The following GREB1 variants were observed in gnomAD, a reference collection of about 807,000 sequenced individuals.
GREB1 encodes the protein protein GREB1.
A neutral mutation model predicts 200.7 loss-of-function variants in GREB1; 106 were observed. The ratio of observed to expected loss-of-function variants is 0.53; its 90% CI spans 0.45 to 0.62. The LOEUF is 0.62. Among genes scored for constraint, GREB1 ranks in the 20% least tolerant of loss-of-function variants. GREB1 has a pLI of 0.00. For synonymous variants in GREB1, 1,132 were observed against 1,092.4 expected (o/e 1.04, Z -0.72); for missense variants, 2,243 against 2,556.8 (o/e 0.88, Z 2.65).
In GREB1 at chr2:11,580,803, T is replaced by C; in HGVS notation, c.872T>C (p.Leu291Pro). The change falls in exon 7 of 33, where the codon CTG becomes CCG. Residue 291 changes from leucine to proline, a missense_variant. Around this residue, in one of 3 missense-constraint regions of GREB1, gnomAD observed 1,178 missense variants for 1,387.4 expected, o/e 0.85. Coordinates refer to ENST00000381486, the MANE Select transcript of GREB1 (RefSeq NM_014668.4). This position sits in a 1 kb window ranked among gnomAD's most constrained non-coding sequence, Gnocchi z 4.5. ...TGCCAACAACTGGCAAAGAATAACC[T>C]GTTGGCCCTGCCGCGACCATCGGCT... ...PKCQQLAKNN[L>P]LALPRPSALG... 6.2e-7 allele frequency: 1 copy of C among 1,614,248 alleles called. No homozygotes were observed. The highest frequency in any genetic ancestry group is 1.6e-4 in the Middle Eastern group (1 of 6,062).
At chr2:11,599,688 T>G (rs1681606955) in intron 15 of GREB1, among the ~76,000 whole-genome samples, 1 of 151,940 alleles carries the variant, frequency 6.6e-6, no homozygotes, top group African/African-American at 2.4e-5. Flanking sequence ...ACCTGGCTAA[T>G]TTTTTGTATT....
chr2:11,583,642 T>G (rs1488661435), intron 7 of GREB1, among the ~76,000 whole-genome samples: 1 of 152,096 alleles, frequency 6.6e-6, no homozygotes, highest in African/African-American at 2.4e-5. Flanking sequence ...GCGGATCACC[T>G]GAGGTCAGGA....
intron 30 of GREB1, among the ~76,000 whole-genome samples, chr2:11,635,920 A>G (rs1685280301): frequency 6.6e-6 from 1 of 152,214 alleles, no homozygotes; most frequent in African/African-American, 2.4e-5. Context: ...GCAATGCAGC[A>G]GGTGTGTCTC....
At position 11,524,169 on chromosome 2, in the gene GREB1, C is replaced by T. The variant is rs187959645; in HGVS notation, c.-158-32288C>T. Among the ~76,000 whole-genome samples, 810 of 152,268 alleles carry T rather than the reference C, an allele frequency of 5.3e-3. 5 individuals are homozygous for T. The highest frequency in any genetic ancestry group is 0.031 in the Middle Eastern group (9 of 294). On this transcript the variant is annotated intron_variant, in intron 1 of 2. Coordinates refer to the GREB1 transcript ENST00000628795. ...ATAAAATTCATCTTTTTTCTCCCTC[C>T]TCTCAGTAGAAGGTGTTAGTTGTAG... is the stretch of plus-strand genomic sequence containing the variant.
At position 11,642,396 on chromosome 2, in the gene GREB1, G is replaced by A; in HGVS notation, c.*1942G>A. On this transcript the variant is annotated 3_prime_UTR_variant, in exon 33 of 33. Transcript: ENST00000381486. ...GCCCACCTCATCCTCCAAAAGTGCT[G>A]GGATTACAGGCATGAGCCACTGCGC... is the stretch of plus-strand genomic sequence containing the variant. 6.6e-6 allele frequency: 1 copy of A among 151,976 alleles called. No homozygotes were observed. The highest frequency in any genetic ancestry group is 2.1e-4 in the South Asian group (1 of 4,822). 9.4% of individuals were successfully genotyped at this position (151,976 alleles called of 1,614,324 possible). A position where few individuals can be genotyped will look rare whatever the true frequency, so the allele number is the denominator to read the frequency against.
At chr2:11,483,688 GT>G (rs1672575152) in intron 1 of GREB1, among the ~76,000 whole-genome samples, 378 of 1,356 alleles carry the variant, frequency 0.28, 5 homozygotes, top group African/African-American at 0.35. Flanking sequence ...ACAAGAAGGG[GT>G]GTGTGTGTGT....
At chr2:11,528,810 C>T (rs1673971443) in intron 1 of GREB1, among the ~76,000 whole-genome samples, 1 of 151,988 alleles carries the variant, frequency 6.6e-6, no homozygotes, top group South Asian at 2.1e-4. Context: ...AATAACCAGA[C>T]AATATTTTTT....
At chr2:11,562,753 C>CAGG in intron 3 of GREB1, 171 bp downstream of exon 3, 1 of 639,290 alleles carries the variant, frequency 1.6e-6, no homozygotes, top group Non-Finnish European at 2.5e-6. Context: ...GGTGCTGGCC[C>CAGG]GGCCTGCCCT....
intron 28 of GREB1, 84 bp from the exon 29 acceptor site, chr2:11,634,047 A>G: frequency 1.6e-6 from 2 of 1,281,752 alleles, no homozygotes; most frequent in Non-Finnish European, 2.3e-6. Flanking sequence ...GCAGTCTGAG[A>G]GCCGGTGCCA....
At chr2:11,611,931 C>G (rs1379294548) in intron 18 of GREB1, among the ~76,000 whole-genome samples, 1 of 152,162 alleles carries the variant, frequency 6.6e-6, no homozygotes, top group Non-Finnish European at 1.5e-5. Flanking sequence ...CGGTGGCTTA[C>G]ACCTGTAATC....
Position 11,556,672 on chromosome 2 carries a change from A to G in GREB1, c.58A>G (p.Asn20Asp), listed in dbSNP as rs1676460768. ...GACACGCTTTGAAGAGGTCTTGCAC[A>G]ATTCCATCGAGGCATCCCTGCGGTC... Reference protein sequence around the residue: ...KTTRFEEVLHNSIEASLRSNN... With the variant: ...KTTRFEEVLHDSIEASLRSNN... The change falls in exon 2 of 33, where the codon AAT (asparagine) becomes GAT (aspartate). Residue 20 changes from asparagine to aspartate, a missense_variant. Around this residue, in one of 3 missense-constraint regions of GREB1, gnomAD observed 1,178 missense variants for 1,387.4 expected, o/e 0.85. Coordinates refer to ENST00000381486, the MANE Select transcript of GREB1 (RefSeq NM_014668.4). The G allele has an allele frequency of 6.2e-7, 1 of 1,613,838 alleles. No individual in the cohort carries two copies. Among genetic ancestry groups the G allele is most frequent in the African/African-American group, 1.3e-5 (1 of 74,914 alleles).
At chr2:11,620,779 G>T (rs1475936900) in intron 22 of GREB1, 126 bp from the exon 23 acceptor site, 2 of 640,378 alleles carry the variant, frequency 3.1e-6, no homozygotes, top group East Asian at 2.6e-5. Context: ...CATCCACAGG[G>T]TTCTCATTTT....
rs1685750899 is a variant in GREB1 at position 11,640,606 on chromosome 2, A to G, written c.*152A>G. On this transcript the variant is annotated 3_prime_UTR_variant, in exon 33 of 33. Coordinates refer to ENST00000381486, the MANE Select transcript of GREB1 (RefSeq NM_014668.4). This position sits in a 1 kb window ranked among gnomAD's most constrained non-coding sequence, Gnocchi z 4.6. ...CCCTCCTAGTACACATGGGCCCCCG[A>G]GGCCGTGGTCCTGGGAGCCAGGAAG... The G allele has an allele frequency of 8.5e-6, 7 of 827,218 alleles. No individual in the cohort carries two copies. Among genetic ancestry groups the G allele is most frequent in the Admixed American group, 2.8e-5 (1 of 35,592 alleles). 51.2% of individuals were successfully genotyped at this position (827,218 alleles called of 1,614,324 possible). A position where few individuals can be genotyped will look rare whatever the true frequency, so the allele number is the denominator to read the frequency against.
intron 1 of GREB1, among the ~76,000 whole-genome samples, chr2:11,505,518 A>G (rs1673161092): frequency 1.3e-5 from 2 of 152,146 alleles, no homozygotes; most frequent in African/African-American, 4.8e-5. Flanking sequence ...GAGGAATTCA[A>G]TAATAATAAA....
chr2:11,616,770 G>A lies in GREB1; in HGVS notation c.3412+50G>A, dbSNP rs1352049747. The A allele has an allele frequency of 2.6e-6, 3 of 1,156,446 alleles. No individual in the cohort carries two copies. The African/African-American group carries it at 4.6e-5, about 18-fold the overall frequency. The allele number at this position is 1,156,446 out of a possible 1,614,324, so 71.6% of individuals were successfully genotyped here. ...CCAGACCAGCAGACTGATTTTTGAG[G>A]TTTCAGAGAATGAAAAGAAACCTAT... On this transcript the variant is annotated intron_variant, in intron 21 of 32. Coordinates refer to ENST00000381486, the MANE Select transcript of GREB1 (RefSeq NM_014668.4).
chr2:11,525,377 G>C (rs939871292), intron 1 of GREB1, among the ~76,000 whole-genome samples: 2 of 151,434 alleles, frequency 1.3e-5, no homozygotes, highest in South Asian at 2.1e-4. Context: ...TGTGCCTGTA[G>C]TCCCAGCTAC....
chr2:11,511,789 C>T (rs544042047), intron 1 of GREB1, among the ~76,000 whole-genome samples: 1 of 152,174 alleles, frequency 6.6e-6, no homozygotes. Context: ...ATTTTAGACA[C>T]CTAGTCTCAC....
At position 11,618,565 on chromosome 2, in the gene GREB1, C is replaced by T; in HGVS notation, c.3690C>T (p.Ser1230=). ...TGTCCTCCTCCTCGGGCTCATCCTC[C>T]TCATCCGTGGCGCCCGCTGCCGGCA... ...SQLSSSSGSS[S]SSVAPAAGTW... The change falls in exon 22 of 33, where the codon TCC becomes TCT. Residue 1230 remains serine, a synonymous_variant. Transcript: ENST00000381486. 1.2e-6 allele frequency: 2 copies of T among 1,612,966 alleles called. No individual in the cohort carries two copies. Among genetic ancestry groups the T allele is most frequent in the Non-Finnish European group, 1.7e-6 (2 of 1,179,868 alleles).
At chr2:11,635,653 C>G (rs1685254026) in intron 30 of GREB1, among the ~76,000 whole-genome samples, 1 of 152,142 alleles carries the variant, frequency 6.6e-6, no homozygotes, top group Non-Finnish European at 1.5e-5. Flanking sequence ...TACAACCAAG[C>G]CTTCCTGTGT....
Sources: allele counts gnomAD v4.1 joint callset (sites outside exome capture counted in the v4.1 genomes callset), GRCh38; gene constraint gnomAD v4.1.1; regional missense constraint gnomAD v4.1.1; non-coding constraint Gnocchi (gnomAD v3.1); transcripts MANE v1.5; gene names NCBI Gene and HGNC (gene_info 2026-07-23, HGNC 2026-07-21).